The following CAMTA1 variants were observed in gnomAD, a reference collection of about 807,000 sequenced individuals.
The protein encoded by CAMTA1 is calmodulin binding transcription activator 1.
CAMTA1 carries 27 observed loss-of-function variants against 170.9 expected under a neutral mutation model. The observed-to-expected ratio is 0.16, with a 90% CI of 0.12 to 0.22. The LOEUF is 0.22. CAMTA1 is among the 10% of genes least tolerant of loss of function. The pLI is 1.00. For missense variants in CAMTA1, 1,619 were observed against 2,217.2 expected, an observed-to-expected ratio of 0.73 and a Z score of 5.42; for synonymous variants, 833 against 891.5, an observed-to-expected ratio of 0.93 and a Z score of 1.17.
At chr1:6,940,980 G>A (rs1282549680) in intron 3 of CAMTA1, among the ~76,000 whole-genome samples, 1 of 113,848 alleles carries the variant, frequency 8.8e-6, no homozygotes, top group Non-Finnish European at 1.8e-5. Flanking sequence ...GGGGATCCTT[G>A]CAGGCAAGGG....
In CAMTA1 at chr1:7,641,170, C is replaced by T. The variant is rs186967615; in HGVS notation, c.664+617C>T. On this transcript the variant is annotated intron_variant, in intron 7 of 22. Coordinates refer to ENST00000303635, the MANE Select transcript of CAMTA1 (RefSeq NM_015215.4). This position sits in a 1 kb window ranked among gnomAD's most constrained non-coding sequence, Gnocchi z 4.5. Reference sequence around the variant, plus strand: ...GTACTTTGTTGCCGTGGCCACAGCTCCCGGCAGCCGCTGGCGGCTCTCAGT... The same window carrying T: ...GTACTTTGTTGCCGTGGCCACAGCTTCCGGCAGCCGCTGGCGGCTCTCAGT... Among the ~76,000 whole-genome samples the T allele has an allele frequency of 6.3e-3, 954 of 152,328 alleles. 9 individuals are homozygous for T. Among genetic ancestry groups the T allele is most frequent in the Non-Finnish European group, 9.3e-3 (630 of 68,018 alleles).
intron 5 of CAMTA1, among the ~76,000 whole-genome samples, chr1:7,338,102 G>A (rs1352622963): frequency 6.8e-6 from 1 of 146,404 alleles, no homozygotes; most frequent in African/African-American, 2.6e-5. Context: ...TTTTTGCTGG[G>A]GAACCCTGAC....
intron 4 of CAMTA1, among the ~76,000 whole-genome samples, chr1:7,150,446 A>G (rs1045990407): frequency 1.3e-5 from 2 of 152,022 alleles, no homozygotes; most frequent in African/African-American, 2.4e-5. Flanking sequence ...AGAGACACCA[A>G]TGCCTCTACA....
At chr1:7,329,489 A>G (rs543589384) in intron 5 of CAMTA1, among the ~76,000 whole-genome samples, 44 of 152,292 alleles carry the variant, frequency 2.9e-4, no homozygotes, top group African/African-American at 9.9e-4. Context: ...CTCACCTATG[A>G]CCAAAAATGC....
intron 6 of CAMTA1, among the ~76,000 whole-genome samples, chr1:7,503,748 G>T (rs773937647): frequency 4.3e-4 from 66 of 152,288 alleles, no homozygotes; most frequent in Non-Finnish European, 8.5e-4. Flanking sequence ...CTCGGGAGGT[G>T]GGGGGAGCCT....
chr1:6,863,443 A>G (rs1161481254), intron 3 of CAMTA1, among the ~76,000 whole-genome samples: 1 of 152,136 alleles, frequency 6.6e-6, no homozygotes, highest in African/African-American at 2.4e-5. Flanking sequence ...TCATGAGGTC[A>G]GAGCTCTTTG....
chr1:6,957,269 C>T (rs932477281), intron 3 of CAMTA1, among the ~76,000 whole-genome samples: 1 of 152,176 alleles, frequency 6.6e-6, no homozygotes, highest in Non-Finnish European at 1.5e-5. Flanking sequence ...CACTGGGGGC[C>T]CTGCTGTCTG....
chr1:7,677,663 G>A lies in CAMTA1; in HGVS notation c.2844G>A (p.Val948=). 1 of 1,614,134 alleles carries A rather than the reference G, an allele frequency of 6.2e-7. No homozygotes were observed. Among genetic ancestry groups the A allele is most frequent in the East Asian group, 2.2e-5 (1 of 44,884 alleles). ...AFNNQIISNS[V]VFEYKARALP... ...ACAACCAGATCATCTCCAACTCGGTGGTGTTTGAGTACAAAGCCCGGGCTC... is the reference window on the plus strand; with the variant it reads ...ACAACCAGATCATCTCCAACTCGGTAGTGTTTGAGTACAAAGCCCGGGCTC... Residue 948 remains valine, a synonymous_variant, in exon 11 of 23, where the codon GTG becomes GTA. Coordinates refer to ENST00000303635, the MANE Select transcript of CAMTA1 (RefSeq NM_015215.4).
At chr1:7,686,537 A>C (rs2096259728) in intron 11 of CAMTA1, among the ~76,000 whole-genome samples, 1 of 149,806 alleles carries the variant, frequency 6.7e-6, no homozygotes, top group Non-Finnish European at 1.5e-5. Flanking sequence ...GGAGAGGGCC[A>C]GGGGGTTCAG....
chr1:7,367,527 C>T (rs1473808926), intron 5 of CAMTA1, among the ~76,000 whole-genome samples: 4 of 152,234 alleles, frequency 2.6e-5, no homozygotes, highest in Non-Finnish European at 4.4e-5. Context: ...TGGCCAGCAC[C>T]TGGCTCTGGG....
chr1:7,379,623 G>A (rs1344990991), intron 5 of CAMTA1, among the ~76,000 whole-genome samples: 8 of 152,208 alleles, frequency 5.3e-5, no homozygotes, highest in Non-Finnish European at 1.0e-4. Flanking sequence ...TTCCTGTTGC[G>A]TCCTCATCGG....
intron 4 of CAMTA1, among the ~76,000 whole-genome samples, chr1:7,143,191 G>A (rs1168054243): frequency 6.6e-6 from 1 of 152,172 alleles, no homozygotes; most frequent in Non-Finnish European, 1.5e-5. Context: ...GGCGGGGTGG[G>A]CCGAGACTCA....
chr1:7,681,234 G>C lies in CAMTA1; in HGVS notation c.2914+3501G>C, dbSNP rs536712229. ...TTAGCCCAGGGTTGGCACGTGGTGG[G>C]CTGCAGTACATATTTGTGATATGAA... is the stretch of plus-strand genomic sequence containing the variant. On this transcript the variant is annotated intron_variant, in intron 11 of 22. Transcript: ENST00000303635. The surrounding 1 kb of genome is among the most constrained non-coding windows in gnomAD (Gnocchi z 4.6). 6.6e-6 allele frequency among the ~76,000 whole-genome samples: 1 copy of C among 152,260 alleles called. No homozygotes were observed. Among genetic ancestry groups the C allele is most frequent in the Admixed American group, 6.5e-5 (1 of 15,304 alleles).
intron 5 of CAMTA1, among the ~76,000 whole-genome samples, chr1:7,384,339 A>T (rs1224283681): frequency 1.3e-5 from 2 of 152,224 alleles, no homozygotes; most frequent in African/African-American, 4.8e-5. Flanking sequence ...GGTGCAGGAA[A>T]GGGGAGCAAG....
chr1:7,056,923 A>C (rs1371318676), intron 3 of CAMTA1, among the ~76,000 whole-genome samples: 1 of 151,898 alleles, frequency 6.6e-6, no homozygotes, highest in Non-Finnish European at 1.5e-5. Flanking sequence ...CCCTCAGAAG[A>C]CTCTTGGTTA....
At chr1:7,307,468 G>A (rs1675773777) in intron 5 of CAMTA1, among the ~76,000 whole-genome samples, 1 of 151,764 alleles carries the variant, frequency 6.6e-6, no homozygotes, top group African/African-American at 2.4e-5. Flanking sequence ...ACTGGCTAGG[G>A]TTTCCCTACA....
At chr1:7,236,389 C>A (rs1207853030) in intron 4 of CAMTA1, among the ~76,000 whole-genome samples, 1 of 152,198 alleles carries the variant, frequency 6.6e-6, no homozygotes, top group Non-Finnish European at 1.5e-5. Context: ...GCTCAGCCCG[C>A]CCTTGCTCTG....
intron 2 of CAMTA1, among the ~76,000 whole-genome samples, chr1:6,823,680 C>G (rs559136078): frequency 2.8e-4 from 42 of 152,134 alleles, no homozygotes; most frequent in Admixed American, 1.6e-3. Flanking sequence ...GTGTGTTAAT[C>G]AGATGAAAAA....
chr1:7,732,694 A>C lies in CAMTA1; in HGVS notation c.3066+95A>C. ...ATCACAGGCCTCTTCTCTGCTGCTG[A>C]TGCGGTCCCTGTATTCAGGCAGAAG... On this transcript the variant is annotated intron_variant, in intron 12 of 22. Coordinates refer to ENST00000303635, the MANE Select transcript of CAMTA1 (RefSeq NM_015215.4). This position sits in a 1 kb window ranked among gnomAD's most constrained non-coding sequence, Gnocchi z 4.1. 6.9e-7 allele frequency: 1 copy of C among 1,453,830 alleles called. No homozygotes were observed. Among genetic ancestry groups the C allele is most frequent in the African/African-American group, 1.4e-5 (1 of 70,068 alleles). 90.1% of individuals were successfully genotyped at this position (1,453,830 alleles called of 1,614,324 possible). A position where few individuals can be genotyped will look rare whatever the true frequency, so the allele number is the denominator to read the frequency against.
Sources: gnomAD v4.1 joint callset for allele counts (sites outside exome capture counted in the v4.1 genomes callset) on GRCh38, gnomAD v4.1.1 for gene constraint, Gnocchi (gnomAD v3.1) non-coding constraint, MANE v1.5 for transcripts, NCBI Gene and HGNC (gene_info 2026-07-23, HGNC 2026-07-21) for gene names.